The following TNIK variants were observed in gnomAD, a reference collection of about 807,000 sequenced individuals.
TNIK encodes TRAF2 and NCK interacting kinase.
In TNIK, 49 loss-of-function variants were observed where a neutral mutation model predicts 191.3. The observed-to-expected ratio is 0.26, with a 90% CI of 0.20 to 0.32. The LOEUF is 0.32. Among genes scored for constraint, TNIK ranks in the 10% least tolerant of loss-of-function variants. The pLI is 1.00. For synonymous variants in TNIK, 594 were observed against 600.9 expected, an observed-to-expected ratio of 0.99 and a Z score of 0.17; for missense variants, 1,155 against 1,702.3, an observed-to-expected ratio of 0.68 and a Z score of 5.66.
chr3:171,266,982 A>G (rs949783095), intron 2 of TNIK, among the ~76,000 whole-genome samples: 1 of 152,348 alleles, frequency 6.6e-6, no homozygotes, highest in Non-Finnish European at 1.5e-5. Flanking sequence ...TTATAATGAG[A>G]AGCCTAGACA....
chr3:171,170,734 G>A (rs920651622), intron 9 of TNIK, among the ~76,000 whole-genome samples: 1 of 152,152 alleles, frequency 6.6e-6, no homozygotes, highest in African/African-American at 2.4e-5. Context: ...CACAGCATCC[G>A]CCTTTAGGAC....
At chr3:171,190,835 A>ACT in intron 5 of TNIK, 48 bp from the exon 6 acceptor site, 1 of 1,389,928 alleles carries the variant, frequency 7.2e-7, no homozygotes, top group Non-Finnish European at 9.9e-7. Flanking sequence ...ATAAGCCAAG[A>ACT]TGCCAATAAA....
At chr3:171,396,802 C>T (rs1720311653) in intron 1 of TNIK, among the ~76,000 whole-genome samples, 1 of 152,194 alleles carries the variant, frequency 6.6e-6, no homozygotes, top group Admixed American at 6.5e-5. Context: ...ATTCTTTTGA[C>T]TCTCAGACTA....
intron 2 of TNIK, among the ~76,000 whole-genome samples, chr3:171,312,873 C>T (rs1376118762): frequency 6.6e-6 from 1 of 152,030 alleles, no homozygotes; most frequent in African/African-American, 2.4e-5. Context: ...ACACAGGGCA[C>T]CTCCTTGAGT....
intron 2 of TNIK, among the ~76,000 whole-genome samples, chr3:171,351,266 T>C (rs1003241847): frequency 2.2e-5 from 2 of 91,156 alleles, no homozygotes; most frequent in Non-Finnish European, 5.0e-5. Flanking sequence ...TATATATATG[T>C]ATATATGTGT....
intron 2 of TNIK, among the ~76,000 whole-genome samples, chr3:171,330,983 C>T (rs147266791): frequency 1.2e-3 from 190 of 152,294 alleles, no homozygotes; most frequent in Non-Finnish European, 2.3e-3. Context: ...AATAACACCA[C>T]CACGAGTTAT....
intron 2 of TNIK, among the ~76,000 whole-genome samples, chr3:171,280,718 C>A (rs1750331530): frequency 6.6e-6 from 1 of 150,840 alleles, no homozygotes; most frequent in Non-Finnish European, 1.5e-5. Context: ...GAAATAAAAG[C>A]ATCCATCACT....
At chr3:171,127,141 G>A (rs1289100955) in intron 16 of TNIK, among the ~76,000 whole-genome samples, 4 of 152,164 alleles carry the variant, frequency 2.6e-5, no homozygotes, top group Non-Finnish European at 5.9e-5. Context: ...AATCTACAGT[G>A]CCTTCTAAAT....
chr3:171,419,013 A>C (rs1723423613), intron 1 of TNIK, among the ~76,000 whole-genome samples: 1 of 152,122 alleles, frequency 6.6e-6, no homozygotes, highest in African/African-American at 2.4e-5. Context: ...TGGCAGAGAG[A>C]GAGCAAGCTC....
At chr3:171,317,773 C>G (rs998388741) in intron 2 of TNIK, among the ~76,000 whole-genome samples, 3 of 152,134 alleles carry the variant, frequency 2.0e-5, no homozygotes, top group African/African-American at 7.2e-5. Flanking sequence ...TTTTTCTGTT[C>G]ACATTGGTAT....
At chr3:171,123,435 G>A (rs1728037202) in intron 18 of TNIK, among the ~76,000 whole-genome samples, 161 bp downstream of exon 18, 1 of 152,220 alleles carries the variant, frequency 6.6e-6, no homozygotes, top group Non-Finnish European at 1.5e-5. Flanking sequence ...AGCTACTGAA[G>A]AAATAAAAGG....
intron 2 of TNIK, among the ~76,000 whole-genome samples, chr3:171,307,013 T>C (rs1316005682): frequency 6.6e-6 from 1 of 152,074 alleles, no homozygotes; most frequent in Non-Finnish European, 1.5e-5. Flanking sequence ...CTACTGTGCA[T>C]CTTCAGAAAA....
chr3:171,309,452 C>T (rs1299131836), intron 2 of TNIK, among the ~76,000 whole-genome samples: 1 of 152,110 alleles, frequency 6.6e-6, no homozygotes, highest in East Asian at 1.9e-4. Context: ...CTATCATGTA[C>T]TATGCTTACC....
At chr3:171,140,283 A>G in intron 13 of TNIK, 116 bp downstream of exon 13, 1 of 805,262 alleles carries the variant, frequency 1.2e-6, no homozygotes, top group African/African-American at 1.8e-5. Context: ...TGCTTGAGGA[A>G]GAGTAAAAAC....
At chr3:171,328,745 A>T (rs565854667) in intron 2 of TNIK, among the ~76,000 whole-genome samples, 16 of 152,306 alleles carry the variant, frequency 1.1e-4, no homozygotes, top group African/African-American at 3.6e-4. Context: ...TGTAAATGAA[A>T]CTGGCTCCCC....
intron 2 of TNIK, among the ~76,000 whole-genome samples, chr3:171,256,217 A>G (rs1746848371): frequency 6.6e-6 from 1 of 152,026 alleles, no homozygotes; most frequent in East Asian, 1.9e-4. Flanking sequence ...CTACTTCACT[A>G]TGCATGGGAA....
chr3:171,394,591 A>G (rs1719990909), intron 1 of TNIK, among the ~76,000 whole-genome samples: 1 of 152,220 alleles, frequency 6.6e-6, no homozygotes, highest in Non-Finnish European at 1.5e-5. Context: ...AACATAATTG[A>G]AAGGATGGAT....
At chr3:171,135,458 C>G (rs1729850443) in intron 15 of TNIK, among the ~76,000 whole-genome samples, 1 of 152,206 alleles carries the variant, frequency 6.6e-6, no homozygotes, top group Non-Finnish European at 1.5e-5. Context: ...AGCACTGTCA[C>G]TCTCCTTCTA....
At chr3:171,146,405 T>C (rs1172614287) in intron 12 of TNIK, among the ~76,000 whole-genome samples, 1 of 152,188 alleles carries the variant, frequency 6.6e-6, no homozygotes, top group Non-Finnish European at 1.5e-5. Context: ...ATATTTCCCA[T>C]TATATGGACC....
Sources: gnomAD v4.1 joint callset for allele counts (sites outside exome capture counted in the v4.1 genomes callset) on GRCh38, gnomAD v4.1.1 for gene constraint, MANE v1.5 for transcripts, NCBI Gene and HGNC (gene_info 2026-07-23, HGNC 2026-07-21) for gene names.